CDH26: variants seen among roughly 807,000 people sequenced by gnomAD.
CDH26 encodes cadherin-like protein 26.
CDH26 carries 83 observed loss-of-function variants against 90.3 expected under a neutral mutation model. The ratio of observed to expected loss-of-function variants is 0.92; its 90% confidence interval spans 0.77 to 1.10. The LOEUF is 1.10. CDH26 is among the 50% of genes least tolerant of loss of function. The pLI, the probability that CDH26 is intolerant of heterozygous loss-of-function variation, is 0.00. For missense variants in CDH26, 1,013 were observed against 1,037.6 expected, an observed-to-expected ratio of 0.98 and a Z score of 0.33; for synonymous variants, 397 against 396.3, an observed-to-expected ratio of 1.00 and a Z score of -0.02.
chr20:60,026,155 C>G (rs147213491), intron 7 of CDH26, among the ~76,000 whole-genome samples: 2 of 152,128 alleles, frequency 1.3e-5, no homozygotes, highest in African/African-American at 4.8e-5. Flanking sequence ...TGTGTTTGCT[C>G]TGGGGTTTAT....
At chr20:59,998,219 G>T (rs2061625956) in intron 13 of CDH26, among the ~76,000 whole-genome samples, 1 of 152,218 alleles carries the variant, frequency 6.6e-6, no homozygotes, top group South Asian at 2.1e-4. Context: ...AACAGAAATG[G>T]TTCCCAGTCC....
intron 1 of CDH26, among the ~76,000 whole-genome samples, chr20:59,961,402 T>C (rs76764593): frequency 0.018 from 2,699 of 152,284 alleles, 90 homozygotes; most frequent in African/African-American, 0.059. Context: ...AGAACATGAT[T>C]CAATAGATGT....
At chr20:60,011,929 T>A (rs1226471037) in intron 17 of CDH26, among the ~76,000 whole-genome samples, 26 of 151,930 alleles carry the variant, frequency 1.7e-4, no homozygotes, top group Admixed American at 1.3e-4. Context: ...GACATCACCA[T>A]TGGTTAGGGA....
intron 7 of CDH26, among the ~76,000 whole-genome samples, chr20:60,022,581 T>C (rs1011819530): frequency 1.3e-5 from 2 of 152,222 alleles, no homozygotes; most frequent in African/African-American, 4.8e-5. Flanking sequence ...GAAGTAGGCA[T>C]AGCAACGGTC....
chr20:59,985,577 C>T (rs1206806758), intron 7 of CDH26, among the ~76,000 whole-genome samples: 1 of 152,164 alleles, frequency 6.6e-6, no homozygotes, highest in Non-Finnish European at 1.5e-5. Flanking sequence ...GCCCCACGAT[C>T]CAAACACTTC....
rs1454860849 is a variant in CDH26, at chr20:59,987,617, AGG to A, written c.1004_1005del (p.Gly335AspfsTer11). 6.2e-7 allele frequency: 1 copy of A among 1,613,060 alleles called. No homozygotes were observed. Among genetic ancestry groups the A allele is most frequent in the Non-Finnish European group, 8.5e-7 (1 of 1,179,536 alleles). On this transcript the variant is annotated frameshift_variant, in exon 8 of 18. Coordinates refer to ENST00000348616, the MANE Select transcript of CDH26 (RefSeq NM_177980.4). LOFTEE classifies it high-confidence loss of function. ...TTTCGACTGACCCTGAGACCAACGA[AGG>A]GATATTAAATGTTATCAAGGTAACA... ...DISTDPETNEGILNVIKPLDY... is the reference protein window; with the variant it reads ...DISTDPETNEXILNVIKPLDY...
chr20:60,031,116 C>A, intron 7 of CDH26: 1 of 1,003,548 alleles, frequency 1.0e-6, no homozygotes, highest in Non-Finnish European at 1.2e-6. Context: ...CCTGATGTTG[C>A]CATGGCATTT....
intron 1 of CDH26, among the ~76,000 whole-genome samples, chr20:59,967,000 A>G (rs1409909170): frequency 6.8e-6 from 1 of 147,402 alleles, no homozygotes; most frequent in African/African-American, 2.7e-5. Context: ...AAAAAAAATA[A>G]TAATGTTATG....
chr20:59,968,403 T>A (rs2061206693), intron 1 of CDH26, among the ~76,000 whole-genome samples: 1 of 152,120 alleles, frequency 6.6e-6, no homozygotes, highest in South Asian at 2.1e-4. Flanking sequence ...GGCTGACTTA[T>A]CTCTTTCTAT....
At chr20:59,958,992 G>C (rs1309856975) in intron 1 of CDH26, among the ~76,000 whole-genome samples, 197 bp downstream of exon 1, 1 of 152,250 alleles carries the variant, frequency 6.6e-6, no homozygotes, top group Admixed American at 6.5e-5. Flanking sequence ...GTCCCAGTCT[G>C]TTTGGGGCAA....
chr20:59,972,450 A>G (rs1468498391), intron 4 of CDH26, among the ~76,000 whole-genome samples: 1 of 152,154 alleles, frequency 6.6e-6, no homozygotes, highest in Non-Finnish European at 1.5e-5. Flanking sequence ...TTATTTTTTG[A>G]TGAGTGACTT....
intron 4 of CDH26, among the ~76,000 whole-genome samples, chr20:59,977,410 A>T (rs2061340200): frequency 6.6e-6 from 1 of 152,088 alleles, no homozygotes; most frequent in Non-Finnish European, 1.5e-5. Context: ...CCTTCAACAA[A>T]CAAAAGCACC....
In CDH26 at chr20:60,014,173, G is replaced by A. The variant is rs2061884383; in HGVS notation, c.*1443G>A. 6.6e-6 allele frequency: 1 copy of A among 151,778 alleles called. No homozygotes were observed. The highest frequency in any genetic ancestry group is 1.5e-5 in the Non-Finnish European group (1 of 67,972). The allele number at this position is 151,778 out of a possible 1,614,324, so 9.4% of individuals were successfully genotyped here. On this transcript the variant is annotated 3_prime_UTR_variant, in exon 18 of 18. Coordinates refer to ENST00000348616, the MANE Select transcript of CDH26 (RefSeq NM_177980.4). ...CTTTATTATTTCATTTTAAATAATT[G>A]ACATATAATAATTGTACATATTTAG...
At position 60,001,338 on chromosome 20, in the gene CDH26, T is replaced by C. The variant is rs1379188483; in HGVS notation, c.2098-5T>C. On this transcript the variant is annotated splice_region_variant and splice_polypyrimidine_tract_variant and intron_variant, in intron 14 of 17. Transcript: ENST00000348616. ...CTTTTGAGTAAATCAGCATTTTCCC[T>C]CTAGGATCTCGAGGAAGTGCCTCCA... 1.2e-6 allele frequency: 2 copies of C among 1,613,972 alleles called. No individual in the cohort carries two copies. Among genetic ancestry groups the C allele is most frequent in the South Asian group, 2.2e-5 (2 of 91,078 alleles).
intron 7 of CDH26, among the ~76,000 whole-genome samples, chr20:60,026,822 G>T (rs960100578): frequency 6.6e-6 from 1 of 152,204 alleles, no homozygotes; most frequent in African/African-American, 2.4e-5. Flanking sequence ...TTTAAGCAGG[G>T]AATTTTCTGG....
chr20:59,994,627 CA>C, intron 11 of CDH26, 138 bp downstream of exon 11: 3 of 1,062,302 alleles, frequency 2.8e-6, no homozygotes, highest in Non-Finnish European at 4.0e-6. Context: ...TCTAGGTGCT[CA>C]AAGGATATCC....
At chr20:60,012,288 G>A (rs746516729) in intron 17 of CDH26, among the ~76,000 whole-genome samples, 19 of 152,008 alleles carry the variant, frequency 1.2e-4, no homozygotes, top group Non-Finnish European at 2.5e-4. Flanking sequence ...GGGGGCTCCT[G>A]TCATACTCCT....
intron 16 of CDH26, among the ~76,000 whole-genome samples, chr20:60,006,247 A>G (rs576602551): frequency 6.6e-6 from 1 of 152,228 alleles, no homozygotes; most frequent in South Asian, 2.1e-4. Flanking sequence ...CCTGTTTCCT[A>G]CCACTGTATC....
chr20:59,989,018 A>C lies in CDH26; in HGVS notation c.1138A>C (p.Ser380Arg), dbSNP rs999379216. ...TCAGCCGCCAAGGAAGGCAGCAGCC[A>C]GCGCCACTGTGAGTGTGCAGGTGAC... ...KLQPPRKAAA[S>R]ATVSVQVTDA... The change falls in exon 9 of 18, where the codon AGC becomes CGC. Residue 380 changes from serine to arginine, a missense_variant. Physicochemically the swap from Ser to Arg is moderately radical, Grantham distance 110. Transcript: ENST00000348616. 6.2e-7 allele frequency: 1 copy of C among 1,614,100 alleles called. No individual in the cohort carries two copies. Among genetic ancestry groups the C allele is most frequent in the African/African-American group, 1.3e-5 (1 of 74,940 alleles).
Sources: allele counts gnomAD v4.1 joint callset (sites outside exome capture counted in the v4.1 genomes callset), GRCh38; gene constraint gnomAD v4.1.1; transcripts MANE v1.5; gene names NCBI Gene and HGNC (gene_info 2026-07-23, HGNC 2026-07-21).